RAB3GAP2: variants seen among roughly 807,000 people sequenced by gnomAD.
The protein encoded by RAB3GAP2 is RAB3 GTPase activating non-catalytic protein subunit 2, also known as rab3 GTPase-activating protein non-catalytic subunit.
Under a neutral mutation model 185.3 loss-of-function variants are expected in RAB3GAP2, and 87 were observed. That is an observed-to-expected ratio of 0.47 (90% CI 0.39 to 0.56). The LOEUF is 0.56. Among genes scored for constraint, RAB3GAP2 ranks in the 20% least tolerant of loss-of-function variants. RAB3GAP2 has a pLI of 0.00. For synonymous variants in RAB3GAP2, 554 were observed against 576.1 expected, an observed-to-expected ratio of 0.96 and a Z score of 0.55; for missense variants, 1,492 against 1,638.2, an observed-to-expected ratio of 0.91 and a Z score of 1.54.
intron 1 of RAB3GAP2, among the ~76,000 whole-genome samples, chr1:220,237,257 C>A (rs1194974971): frequency 6.6e-6 from 1 of 152,188 alleles, no homozygotes; most frequent in Non-Finnish European, 1.5e-5. Flanking sequence ...GCTCTCATTT[C>A]CGTGAAAGAC....
chr1:220,244,264 G>C (rs1659756447), intron 1 of RAB3GAP2, among the ~76,000 whole-genome samples: 1 of 152,052 alleles, frequency 6.6e-6, no homozygotes. Flanking sequence ...CACCAACAAT[G>C]ACCAAGCTGA....
In RAB3GAP2 at chr1:220,151,199, G is replaced by A; in HGVS notation, c.*52C>T. 1 of 1,543,456 alleles carries A rather than the reference G, an allele frequency of 6.5e-7. No homozygotes were observed. The highest frequency in any genetic ancestry group is 8.9e-7 in the Non-Finnish European group (1 of 1,118,658). On this transcript the variant is annotated 3_prime_UTR_variant, in exon 35 of 35. Transcript: ENST00000358951. ...AGGTCTTACTATGTAAAATAACCAT[G>A]CACTACTTCATGTTATAATCATAAT...
Position 220,212,875 on chromosome 1 carries a change from A to G in RAB3GAP2, c.386+12T>C. 1.2e-6 allele frequency: 2 copies of G among 1,602,780 alleles called. No homozygotes were observed. The highest frequency in any genetic ancestry group is 1.1e-5 in the South Asian group (1 of 90,812). ...GTAACACACAGAGAAACAAAAATTA[A>G]CTGGCACCTACCCTTCTTCGACATT... On this transcript the variant is annotated intron_variant, in intron 4 of 34. Coordinates refer to ENST00000358951, the MANE Select transcript of RAB3GAP2 (RefSeq NM_012414.4).
chr1:220,168,217 C>T (rs905677984), intron 24 of RAB3GAP2, among the ~76,000 whole-genome samples: 15 of 152,128 alleles, frequency 9.9e-5, no homozygotes, highest in Admixed American at 6.5e-4. Flanking sequence ...CTCAGCCTCC[C>T]GAGCAACTGA....
chr1:220,215,762 G>A (rs1659188420), intron 2 of RAB3GAP2, among the ~76,000 whole-genome samples: 1 of 152,018 alleles, frequency 6.6e-6, no homozygotes, highest in Non-Finnish European at 1.5e-5. Context: ...ACAGCTTCTG[G>A]GTTTGATGTC....
At chr1:220,185,777 A>T (rs1200515117) in intron 17 of RAB3GAP2, 36 bp from the exon 18 acceptor site, 1 of 1,526,672 alleles carries the variant, frequency 6.6e-7, no homozygotes. Context: ...TAGTAATTAT[A>T]AGGCAGTGAT....
At chr1:220,157,510 G>C (rs759415440) in intron 30 of RAB3GAP2, 22 bp from the exon 31 acceptor site, 1 of 1,605,400 alleles carries the variant, frequency 6.2e-7, no homozygotes, top group Admixed American at 1.7e-5. Context: ...GAGAATGGAG[G>C]ACTGTGTTCA....
chr1:220,151,150 G>A lies in RAB3GAP2; in HGVS notation c.*101C>T. 8.1e-7 allele frequency: 1 copy of A among 1,238,042 alleles called. No individual in the cohort carries two copies. The highest frequency in any genetic ancestry group is 2.3e-5 in the Admixed American group (1 of 44,326). The allele number at this position is 1,238,042 out of a possible 1,614,324, so 76.7% of individuals were successfully genotyped here. On this transcript the variant is annotated 3_prime_UTR_variant, in exon 35 of 35. Coordinates refer to ENST00000358951, the MANE Select transcript of RAB3GAP2 (RefSeq NM_012414.4). ...TTTATTTTACAAAAGGAAAAAAAAA[G>A]ACATACTTTTCCCATAAAATTCCAG...
rs1389297986 is a variant in RAB3GAP2 at position 220,148,516 on chromosome 1, A to G, written c.*2735T>C. 6.6e-6 allele frequency: 1 copy of G among 152,214 alleles called. No homozygotes were observed. Among genetic ancestry groups the G allele is most frequent in the Non-Finnish European group, 1.5e-5 (1 of 68,024 alleles). The allele number at this position is 152,214 out of a possible 1,614,324, so 9.4% of individuals were successfully genotyped here. A position where few individuals can be genotyped will look rare whatever the true frequency, so the allele number is the denominator to read the frequency against. On this transcript the variant is annotated 3_prime_UTR_variant, in exon 35 of 35. Transcript: ENST00000358951. Reference sequence around the variant, plus strand: ...CAGCAAACCCATTCCTATCAGGGTGAGAGAGGGCTTTTGCTGTTGCTATAG... The same window carrying G: ...CAGCAAACCCATTCCTATCAGGGTGGGAGAGGGCTTTTGCTGTTGCTATAG...
intron 1 of RAB3GAP2, among the ~76,000 whole-genome samples, chr1:220,240,968 T>C (rs1351507907): frequency 6.6e-6 from 1 of 152,108 alleles, no homozygotes; most frequent in Non-Finnish European, 1.5e-5. Context: ...TAGATTTTAC[T>C]AGTATGAAAA....
intron 1 of RAB3GAP2, among the ~76,000 whole-genome samples, chr1:220,262,189 T>TG (rs1397174908): frequency 7.3e-5 from 11 of 150,634 alleles, no homozygotes; most frequent in African/African-American, 2.7e-4. Context: ...TAGTCCCAGC[T>TG]ACTCGAGAGG....
chr1:220,229,574 C>G (rs1648057600), intron 2 of RAB3GAP2, among the ~76,000 whole-genome samples: 2 of 152,156 alleles, frequency 1.3e-5, no homozygotes, highest in African/African-American at 4.8e-5. Flanking sequence ...TTAATACTAT[C>G]AGGGAAGAAT....
chr1:220,158,866 C>T lies in RAB3GAP2; in HGVS notation c.3261+520G>A, dbSNP rs1281454261. On this transcript the variant is annotated intron_variant, in intron 29 of 34. Coordinates refer to ENST00000358951, the MANE Select transcript of RAB3GAP2 (RefSeq NM_012414.4). This position sits in a 1 kb window ranked among gnomAD's most constrained non-coding sequence, Gnocchi z 4.3. Reference sequence around the variant, plus strand: ...ACACGTACACACTCTAGTCATACAACCATTCTCAAGAACACATCAGAAAAA... The same window carrying T: ...ACACGTACACACTCTAGTCATACAATCATTCTCAAGAACACATCAGAAAAA... Among the ~76,000 whole-genome samples the T allele has an allele frequency of 6.6e-6, 1 of 152,158 alleles. No homozygotes were observed. The highest frequency in any genetic ancestry group is 1.5e-5 in the Non-Finnish European group (1 of 68,024).
At chr1:220,259,955 G>T (rs1660102906) in intron 1 of RAB3GAP2, among the ~76,000 whole-genome samples, 1 of 152,046 alleles carries the variant, frequency 6.6e-6, no homozygotes, top group African/African-American at 2.4e-5. Flanking sequence ...CTCAAAAGAA[G>T]ACATACATGC....
intron 31 of RAB3GAP2, among the ~76,000 whole-genome samples, chr1:220,154,883 G>C (rs183302308): frequency 1.3e-5 from 2 of 152,072 alleles, no homozygotes; most frequent in East Asian, 3.9e-4. Context: ...ACCACGCCAA[G>C]GCTAATTTTT....
At chr1:220,236,544 A>G (rs1659594781) in intron 1 of RAB3GAP2, among the ~76,000 whole-genome samples, 1 of 152,168 alleles carries the variant, frequency 6.6e-6, no homozygotes, top group Admixed American at 6.5e-5. Context: ...ATTGAAAATC[A>G]TTTGAGAATA....
chr1:220,257,387 C>A (rs1480423971), intron 1 of RAB3GAP2, among the ~76,000 whole-genome samples: 4 of 149,682 alleles, frequency 2.7e-5, no homozygotes, highest in African/African-American at 7.4e-5. Context: ...CAAAAAAAAA[C>A]AAAACAAAAA....
chr1:220,245,306 TGC>T (rs1659782424), intron 1 of RAB3GAP2, among the ~76,000 whole-genome samples: 1 of 152,104 alleles, frequency 6.6e-6, no homozygotes, highest in Non-Finnish European at 1.5e-5. Flanking sequence ...GGCCAGTGGG[TGC>T]GCGCACCATG....
intron 12 of RAB3GAP2, among the ~76,000 whole-genome samples, chr1:220,193,662 C>T (rs957389805): frequency 2.0e-5 from 3 of 152,162 alleles, no homozygotes; most frequent in Non-Finnish European, 4.4e-5. Context: ...AAAGGCATGT[C>T]ACAGAAAACA....
Sources: gnomAD v4.1 joint callset for allele counts (sites outside exome capture counted in the v4.1 genomes callset) on GRCh38, gnomAD v4.1.1 for gene constraint, Gnocchi (gnomAD v3.1) non-coding constraint, MANE v1.5 for transcripts, NCBI Gene and HGNC (gene_info 2026-07-23, HGNC 2026-07-21) for gene names.